DNAH3: variants seen among roughly 807,000 people sequenced by gnomAD.
DNAH3 encodes the protein dynein axonemal heavy chain 3.
In DNAH3, 332 loss-of-function variants were observed where a neutral mutation model predicts 432.5. The ratio of observed to expected loss-of-function variants is 0.77; its 90% confidence interval spans 0.70 to 0.84. The LOEUF (loss-of-function observed/expected upper bound fraction) is 0.84, where lower values mean the gene tolerates loss of function less well. DNAH3 is among the 40% of genes least tolerant of loss of function. The pLI is 0.00. For synonymous variants in DNAH3, 1,956 were observed against 1,900.2 expected, an observed-to-expected ratio of 1.03 and a Z score of -0.76; for missense variants, 4,861 against 5,114.0, an observed-to-expected ratio of 0.95 and a Z score of 1.51.
intron 59 of DNAH3, among the ~76,000 whole-genome samples, chr16:20,937,163 T>C (rs1260502834): frequency 6.6e-6 from 1 of 152,188 alleles, no homozygotes; most frequent in African/African-American, 2.4e-5. Context: ...GTCCTTTTTT[T>C]CTTTTTTTTA....
At chr16:20,971,335 A>G (rs1336771593) in intron 51 of DNAH3, among the ~76,000 whole-genome samples, 1 of 152,154 alleles carries the variant, frequency 6.6e-6, no homozygotes, top group East Asian at 1.9e-4. Flanking sequence ...CCTACTGTGC[A>G]TTCGGTACCC....
In DNAH3 at chr16:21,112,153, G is replaced by A. The variant is rs2092091262; in HGVS notation, c.1815-55C>T. On this transcript the variant is annotated intron_variant, in intron 12 of 61. Transcript: ENST00000261383. The stretch of plus-strand genomic sequence containing the variant: ...ACACAAATATAAGTCAACCAAATCA[G>A]ATGAGTCAGAGTGGCAAATGAAGAC... 66 of 1,230,734 alleles carry A rather than the reference G, an allele frequency of 5.4e-5. 3 individuals carry two copies. In the South Asian group the frequency reaches 8.4e-4, roughly 16 times the overall value. 76.2% of individuals were successfully genotyped at this position (1,230,734 alleles called of 1,614,324 possible). A position where few individuals can be genotyped will look rare whatever the true frequency, so the allele number is the denominator to read the frequency against.
intron 49 of DNAH3, among the ~76,000 whole-genome samples, chr16:20,981,384 G>A (rs1302611974): frequency 6.6e-6 from 1 of 152,084 alleles, no homozygotes; most frequent in South Asian, 2.1e-4. Flanking sequence ...GGAATTTAAG[G>A]CCATTGACAC....
chr16:20,970,987 G>T (rs921111492), intron 51 of DNAH3, among the ~76,000 whole-genome samples: 1 of 150,820 alleles, frequency 6.6e-6, no homozygotes, highest in Non-Finnish European at 1.5e-5. Context: ...CGCACTTCAG[G>T]CTCCCGAGTA....
In DNAH3 at chr16:20,975,221, C is replaced by T. The variant is rs1597018931; in HGVS notation, c.8259+12G>A. ...AGCACCAGTTCCCTCCCTTTCTTCTCAGTCTTTCTACCTTGATTCCTTGGG... is the reference window on the plus strand; with the variant it reads ...AGCACCAGTTCCCTCCCTTTCTTCTTAGTCTTTCTACCTTGATTCCTTGGG... On this transcript the variant is annotated intron_variant, in intron 51 of 61. Transcript: ENST00000261383. The T allele has an allele frequency of 1.2e-6, 2 of 1,611,978 alleles. No homozygotes were observed. Among genetic ancestry groups the T allele is most frequent in the South Asian group, 1.1e-5 (1 of 90,854 alleles).
In DNAH3 at chr16:21,106,680, G is replaced by C. The variant is rs375221972; in HGVS notation, c.2100-6C>G. ...GGCTGTACTGATTACAAATGCTACA[G>C]AAAAGAAACAGCCATTGTTATCATC... On this transcript the variant is annotated splice_polypyrimidine_tract_variant and splice_region_variant and intron_variant, in intron 14 of 61. Transcript: ENST00000261383. 77 of 1,471,602 alleles carry C rather than the reference G, an allele frequency of 5.2e-5. No individual in the cohort carries two copies. In the Middle Eastern group the frequency reaches 5.6e-4, roughly 11 times the overall value. 91.2% of individuals were successfully genotyped at this position (1,471,602 alleles called of 1,614,324 possible).
exon 11 of DNAH3, chr16:21,120,813 A>C: frequency 6.2e-7 from 1 of 1,614,092 alleles, no homozygotes; most frequent in Non-Finnish European, 8.5e-7. Flanking sequence ...GCCGATCAGC[A>C]GCAGCAGCAG....
chr16:21,078,275 C>CAA (rs1202846920), intron 20 of DNAH3, among the ~76,000 whole-genome samples: 11,632 of 83,474 alleles, frequency 0.14, 868 homozygotes, highest in Non-Finnish European at 0.17. Context: ...AATTCCGTCT[C>CAA]AAAAAAAAAA....
At chr16:21,060,381 T>A in intron 25 of DNAH3, 25 bp from the exon 26 acceptor site, 1 of 1,594,850 alleles carries the variant, frequency 6.3e-7, no homozygotes, top group South Asian at 1.1e-5. Flanking sequence ...AGAGAGAGGG[T>A]GCAGCAGTCA....
chr16:21,078,906 G>C (rs1468130512), intron 20 of DNAH3, among the ~76,000 whole-genome samples: 1 of 152,210 alleles, frequency 6.6e-6, no homozygotes, highest in Non-Finnish European at 1.5e-5. Flanking sequence ...CCCAGACATG[G>C]AATCAGTTCA....
intron 24 of DNAH3, among the ~76,000 whole-genome samples, chr16:21,065,007 C>T (rs1293247563): frequency 6.6e-6 from 1 of 151,736 alleles, no homozygotes; most frequent in African/African-American, 2.4e-5. Context: ...AGTCTTGTAT[C>T]TTTGGGCAAA....
chr16:21,089,840 CA>C (rs896154937), intron 18 of DNAH3, among the ~76,000 whole-genome samples: 2 of 151,412 alleles, frequency 1.3e-5, no homozygotes, highest in African/African-American at 4.8e-5. Context: ...CCATTGAAAA[CA>C]AAAATAATAA....
At chr16:21,136,781 G>C (rs1166900568) in intron 5 of DNAH3, among the ~76,000 whole-genome samples, 7 of 152,088 alleles carry the variant, frequency 4.6e-5, no homozygotes, top group Non-Finnish European at 1.0e-4. Context: ...ACCCAGATAG[G>C]AACAGTGGAG....
chr16:20,997,332 C>A (rs1419575084), exon 44 of DNAH3: 9 of 1,614,162 alleles, frequency 5.6e-6, no homozygotes, highest in Non-Finnish European at 6.8e-6. Flanking sequence ...CTGTCACGAG[C>A]AGCATGTCCA....
chr16:21,144,939 G>A (rs1236650263), intron 3 of DNAH3, among the ~76,000 whole-genome samples: 5 of 151,814 alleles, frequency 3.3e-5, no homozygotes. Context: ...CCAACATAGT[G>A]AAACCCCATC....
chr16:21,098,631 C>G (rs376343061), exon 17 of DNAH3: 4 of 1,612,604 alleles, frequency 2.5e-6, no homozygotes, highest in Non-Finnish European at 3.4e-6. Flanking sequence ...ACTCTGCAAA[C>G]GCCCGATTTA....
In DNAH3 at chr16:20,959,118, C is replaced by A. The variant is rs562455528; in HGVS notation, c.10826+61G>T. ...GACTGTGTCTTGGTCATCTTCCCAG[C>A]CACCATCCTGATGTCTGGAGGTTGG... is the stretch of plus-strand genomic sequence containing the variant. On this transcript the variant is annotated intron_variant, in intron 54 of 61. Transcript: ENST00000261383. 8.5e-6 allele frequency: 13 copies of A among 1,536,896 alleles called. No individual in the cohort carries two copies. The South Asian group carries it at 1.5e-4, about 17-fold the overall frequency.
At chr16:20,956,201 T>C (rs1396114117) in intron 54 of DNAH3, among the ~76,000 whole-genome samples, 1 of 152,154 alleles carries the variant, frequency 6.6e-6, no homozygotes, top group Non-Finnish European at 1.5e-5. Flanking sequence ...GTGCTAGGAT[T>C]TACAGGTGTG....
At chr16:21,133,099 C>A (rs9930766) in intron 7 of DNAH3, among the ~76,000 whole-genome samples, 42,766 of 151,676 alleles carry the variant, frequency 0.28, 6,148 homozygotes, top group African/African-American at 0.34. Context: ...CACCTGTAAT[C>A]CCAGAACTTT....
Sources: gnomAD v4.1 joint callset for allele counts (sites outside exome capture counted in the v4.1 genomes callset) on GRCh38, gnomAD v4.1.1 for gene constraint, MANE v1.5 for transcripts, NCBI Gene and HGNC (gene_info 2026-07-23, HGNC 2026-07-21) for gene names.